GRIN2A: variants seen among roughly 807,000 people sequenced by gnomAD.
The protein encoded by GRIN2A is glutamate ionotropic receptor NMDA type subunit 2A, also known as glutamate receptor ionotropic, NMDA 2A.
In GRIN2A, 22 loss-of-function variants were observed where a neutral mutation model predicts 113.4. The ratio of observed to expected loss-of-function variants is 0.19; its 90% confidence interval spans 0.14 to 0.28. The LOEUF (loss-of-function observed/expected upper bound fraction) is 0.28. Ranked by LOEUF, GRIN2A falls within the 10% of genes least tolerant of loss-of-function variation. The pLI is 1.00. For missense variants in GRIN2A, 1,502 were observed against 1,887.0 expected, an observed-to-expected ratio of 0.80 and a Z score of 3.78; for synonymous variants, 827 against 738.4, an observed-to-expected ratio of 1.12 and a Z score of -1.94.
At chr16:10,037,015 G>A (rs1176658886) in intron 2 of GRIN2A, 1 of 152,136 alleles carries the variant, frequency 6.6e-6, no homozygotes, top group Non-Finnish European at 1.5e-5. Context: ...TGACACCTCT[G>A]ATCCCAGGAG....
intron 2 of GRIN2A, among the ~76,000 whole-genome samples, chr16:10,030,600 G>A (rs1282635016): frequency 6.6e-6 from 1 of 152,162 alleles, no homozygotes; most frequent in African/African-American, 2.4e-5. Context: ...TCTTGTTGAT[G>A]TTTTCTACTG....
At chr16:10,098,578 C>T (rs965703176) in intron 2 of GRIN2A, among the ~76,000 whole-genome samples, 19 of 152,058 alleles carry the variant, frequency 1.2e-4, no homozygotes, top group African/African-American at 3.9e-4. Context: ...CGACAAGTGG[C>T]TAAACAAATT....
At chr16:10,056,612 C>T (rs150598454) in intron 2 of GRIN2A, among the ~76,000 whole-genome samples, 114 of 152,190 alleles carry the variant, frequency 7.5e-4, no homozygotes, top group African/African-American at 2.0e-3. Flanking sequence ...TGAGGTCATA[C>T]TGAATTTGGA....
At chr16:9,831,797 T>C (rs1418781618) in intron 8 of GRIN2A, among the ~76,000 whole-genome samples, 1 of 152,136 alleles carries the variant, frequency 6.6e-6, no homozygotes, top group Non-Finnish European at 1.5e-5. Context: ...ATTACAGGCA[T>C]GAGCCACCGT....
intron 2 of GRIN2A, among the ~76,000 whole-genome samples, chr16:10,138,252 C>T (rs529649758): frequency 1.3e-5 from 2 of 152,278 alleles, no homozygotes; most frequent in East Asian, 1.9e-4. Context: ...AAACCACATT[C>T]GATCACTATT....
chr16:9,955,424 C>A (rs139061858), intron 2 of GRIN2A, among the ~76,000 whole-genome samples: 2 of 152,172 alleles, frequency 1.3e-5, no homozygotes, highest in African/African-American at 4.8e-5. Context: ...TCTTCCATAC[C>A]CTCACGGATT....
intron 4 of GRIN2A, among the ~76,000 whole-genome samples, chr16:9,851,739 C>T (rs1000470973): frequency 6.6e-6 from 1 of 152,156 alleles, no homozygotes; most frequent in Non-Finnish European, 1.5e-5. Flanking sequence ...GCTGAGTAGC[C>T]TTGGGAAAGT....
chr16:10,047,872 A>G (rs2047287506), intron 2 of GRIN2A, among the ~76,000 whole-genome samples: 1 of 152,204 alleles, frequency 6.6e-6, no homozygotes, highest in African/African-American at 2.4e-5. Flanking sequence ...GCTTACCTGC[A>G]GGGTTAACTT....
intron 2 of GRIN2A, among the ~76,000 whole-genome samples, chr16:10,025,544 C>T (rs1017047605): frequency 1.6e-4 from 24 of 152,050 alleles, no homozygotes; most frequent in African/African-American, 5.8e-4. Context: ...TTAAGTGATC[C>T]TCCTGCCTCG....
chr16:9,800,805 G>A lies in GRIN2A; in HGVS notation c.2169-2341C>T, dbSNP rs991254847. The stretch of plus-strand genomic sequence containing the variant: ...CGATGGTAACCTAGAGCTGTCATAC[G>A]TAACCTGGAGCAACCTAGAGCTTGG... On this transcript the variant is annotated intron_variant, in intron 10 of 12. Transcript: ENST00000330684. Among the ~76,000 whole-genome samples, 114 of 152,232 alleles carry A rather than the reference G, an allele frequency of 7.5e-4. No homozygotes were observed. The Middle Eastern group carries it at 0.017, about 23-fold the overall frequency.
chr16:10,139,457 G>T (rs1453413917), intron 2 of GRIN2A, among the ~76,000 whole-genome samples: 1 of 152,220 alleles, frequency 6.6e-6, no homozygotes, highest in Non-Finnish European at 1.5e-5. Flanking sequence ...AAGCCAATCT[G>T]CTTCCATTGT....
In GRIN2A at chr16:9,840,577, A is replaced by G. The variant is rs2042655795; in HGVS notation, c.1651+70T>C. 3.5e-6 allele frequency: 5 copies of G among 1,417,040 alleles called. No homozygotes were observed. The South Asian group carries it at 5.7e-5, about 16-fold the overall frequency. 87.8% of individuals were successfully genotyped at this position (1,417,040 alleles called of 1,614,324 possible). A position where few individuals can be genotyped will look rare whatever the true frequency, so the allele number is the denominator to read the frequency against. On this transcript the variant is annotated intron_variant, in intron 7 of 12. Transcript: ENST00000330684. Reference sequence around the variant, plus strand: ...GCTAAACAAGTTCCTTTCTGGTCCCATCCTCTGAGCAAACAAGATTTCCTA... The same window carrying G: ...GCTAAACAAGTTCCTTTCTGGTCCCGTCCTCTGAGCAAACAAGATTTCCTA...
intron 2 of GRIN2A, among the ~76,000 whole-genome samples, chr16:9,954,804 T>C (rs961138419): frequency 6.6e-6 from 1 of 152,316 alleles, no homozygotes. Flanking sequence ...TTAAATGAAA[T>C]GCATCGACAA....
At chr16:10,141,415 G>A (rs1057289459) in intron 2 of GRIN2A, among the ~76,000 whole-genome samples, 1 of 152,104 alleles carries the variant, frequency 6.6e-6, no homozygotes, top group African/African-American at 2.4e-5. Context: ...TTGAGCCCGG[G>A]AGGCAGAGGT....
intron 2 of GRIN2A, among the ~76,000 whole-genome samples, chr16:10,111,037 G>A (rs1292729417): frequency 6.6e-6 from 1 of 152,204 alleles, no homozygotes; most frequent in African/African-American, 2.4e-5. Flanking sequence ...CCAATTAAGT[G>A]GAGCTAAGAA....
intron 2 of GRIN2A, among the ~76,000 whole-genome samples, chr16:10,052,983 G>C (rs2047384604): frequency 6.6e-6 from 1 of 151,658 alleles, no homozygotes; most frequent in Non-Finnish European, 1.5e-5. Context: ...GGGAGACAGA[G>C]GTTGCAGTGA....
intron 2 of GRIN2A, among the ~76,000 whole-genome samples, chr16:10,110,903 C>A (rs141634880): frequency 1.3e-5 from 2 of 152,158 alleles, no homozygotes; most frequent in Non-Finnish European, 2.9e-5. Context: ...TGACTTCAGA[C>A]GAGTAAGAAG....
intron 2 of GRIN2A, among the ~76,000 whole-genome samples, chr16:10,134,443 G>A (rs1191287421): frequency 2.0e-5 from 3 of 148,028 alleles, no homozygotes; most frequent in Non-Finnish European, 3.0e-5. Context: ...CACTTGGACA[G>A]AAGGCGGGGA....
chr16:9,969,597 C>T (rs1393342609), intron 2 of GRIN2A, among the ~76,000 whole-genome samples: 1 of 152,180 alleles, frequency 6.6e-6, no homozygotes, highest in African/African-American at 2.4e-5. Flanking sequence ...TTGTCATCCA[C>T]CACCCAAACT....
Sources: gnomAD v4.1 joint callset for allele counts (sites outside exome capture counted in the v4.1 genomes callset) on GRCh38, gnomAD v4.1.1 for gene constraint, MANE v1.5 for transcripts, NCBI Gene and HGNC (gene_info 2026-07-23, HGNC 2026-07-21) for gene names.